LRBA: variants seen among roughly 807,000 people sequenced by gnomAD.
LRBA encodes lipopolysaccharide-responsive and beige-like anchor protein.
A neutral mutation model predicts 330.0 loss-of-function variants in LRBA; 176 were observed. The observed-to-expected ratio is 0.53, with a 90% CI of 0.47 to 0.60. The LOEUF (loss-of-function observed/expected upper bound fraction) is 0.60, where lower values mean the gene tolerates loss of function less well. Ranked by LOEUF, LRBA falls within the 20% of genes least tolerant of loss-of-function variation. LRBA has a pLI of 0.00. For missense variants in LRBA, 3,259 were observed against 3,444.8 expected (o/e 0.95, Z 1.35); for synonymous variants, 1,230 against 1,193.0 (o/e 1.03, Z -0.64).
chr4:150,319,497 G>A (rs1257934784), intron 50 of LRBA, among the ~76,000 whole-genome samples: 2 of 151,784 alleles, frequency 1.3e-5, no homozygotes, highest in African/African-American at 2.4e-5. Flanking sequence ...AAAAAATCAC[G>A]TTTCTTAAAT....
intron 37 of LRBA, among the ~76,000 whole-genome samples, chr4:150,629,564 A>T (rs1323888480): frequency 1.3e-5 from 2 of 152,022 alleles, no homozygotes. Context: ...ACTTGAACCC[A>T]GGAGGCGAAG....
intron 47 of LRBA, 120 bp downstream of exon 47, chr4:150,415,318 G>C: frequency 2.9e-6 from 2 of 697,342 alleles, no homozygotes; most frequent in Non-Finnish European, 4.6e-6. Flanking sequence ...GTCACTTTCA[G>C]TTAGTCCTAT....
At chr4:150,861,353 T>C (rs1289744469) in intron 22 of LRBA, among the ~76,000 whole-genome samples, 9 of 151,786 alleles carry the variant, frequency 5.9e-5, no homozygotes, top group Admixed American at 3.3e-4. Flanking sequence ...CTCAAATTCC[T>C]GGCCTCAAGC....
intron 28 of LRBA, among the ~76,000 whole-genome samples, chr4:150,833,159 A>G (rs1327238687): frequency 6.6e-6 from 1 of 152,014 alleles, no homozygotes; most frequent in Non-Finnish European, 1.5e-5. Flanking sequence ...GAGAAAGAAG[A>G]CAAACTAGAC....
intron 2 of LRBA, among the ~76,000 whole-genome samples, chr4:150,995,181 A>C (rs1742498609): frequency 6.6e-6 from 1 of 151,886 alleles, no homozygotes; most frequent in African/African-American, 2.4e-5. Flanking sequence ...GTCTAGAAAA[A>C]CTCAGACTAA....
chr4:150,408,998 T>TA (rs1746582766), intron 47 of LRBA, among the ~76,000 whole-genome samples: 1 of 152,140 alleles, frequency 6.6e-6, no homozygotes, highest in African/African-American at 2.4e-5. Flanking sequence ...ATTTTTATGT[T>TA]AAAGTCTCAA....
intron 37 of LRBA, among the ~76,000 whole-genome samples, chr4:150,669,166 T>C (rs1400905473): frequency 2.6e-5 from 4 of 152,192 alleles, no homozygotes; most frequent in South Asian, 2.1e-4. Flanking sequence ...CTGAGACTAA[T>C]AGTTTCATGC....
At chr4:150,807,357 T>A (rs945229343) in intron 32 of LRBA, among the ~76,000 whole-genome samples, 1 of 152,158 alleles carries the variant, frequency 6.6e-6, no homozygotes, top group African/African-American at 2.4e-5. Context: ...ACACAACTCA[T>A]AGAACTTGTT....
intron 17 of LRBA, among the ~76,000 whole-genome samples, chr4:150,877,969 T>A (rs2127031816): frequency 6.6e-6 from 1 of 152,250 alleles, no homozygotes; most frequent in African/African-American, 2.4e-5. Flanking sequence ...AATTTAAAAA[T>A]TTTTTGAAAT....
intron 30 of LRBA, among the ~76,000 whole-genome samples, chr4:150,821,712 T>C (rs1314482809): frequency 6.6e-6 from 1 of 152,178 alleles, no homozygotes; most frequent in East Asian, 1.9e-4. Flanking sequence ...CTTCAGTCCC[T>C]AAGGATCCAG....
chr4:150,680,080 T>C (rs915788225), intron 37 of LRBA, among the ~76,000 whole-genome samples: 1 of 152,198 alleles, frequency 6.6e-6, no homozygotes, highest in African/African-American at 2.4e-5. Context: ...GCCTGCTCCA[T>C]GCACCGGAAA....
rs1336946814 is a variant in LRBA, at chr4:151,014,682, G to A, written c.-40C>T. 2 of 1,415,874 alleles carry A rather than the reference G, an allele frequency of 1.4e-6. No homozygotes were observed. Among genetic ancestry groups the A allele is most frequent in the Non-Finnish European group, 1.9e-6 (2 of 1,028,894 alleles). 87.7% of individuals were successfully genotyped at this position (1,415,874 alleles called of 1,614,324 possible). A position where few individuals can be genotyped will look rare whatever the true frequency, so the allele number is the denominator to read the frequency against. On this transcript the variant is annotated 5_prime_UTR_variant, in exon 2 of 57. Transcript: ENST00000651943. The stretch of plus-strand genomic sequence containing the variant: ...AAAGGACAACTCAGAGTCACCCTGG[G>A]ACGGCAGTCGCTGCACTGGTAATGA...
At position 150,348,059 on chromosome 4, in the gene LRBA, G is replaced by A. The variant is rs906364941; in HGVS notation, c.7362+1933C>T. ...GTACAATAACTACATATGGTTCATG[G>A]TTTATTAGACAGTGCAGATAGAGAA... On this transcript the variant is annotated intron_variant, in intron 48 of 56. Coordinates refer to ENST00000651943, the MANE Select transcript of LRBA (RefSeq NM_001364905.1). 4.6e-5 allele frequency among the ~76,000 whole-genome samples: 7 copies of A among 152,268 alleles called. No individual in the cohort carries two copies. The East Asian group carries it at 1.2e-3, about 25-fold the overall frequency.
At chr4:150,590,541 A>T (rs1228055558) in intron 39 of LRBA, among the ~76,000 whole-genome samples, 172 bp downstream of exon 39, 1 of 152,222 alleles carries the variant, frequency 6.6e-6, no homozygotes, top group Non-Finnish European at 1.5e-5. Context: ...GACTGAATAG[A>T]ATAGAAAAAT....
chr4:150,621,116 A>G (rs1295166505), intron 37 of LRBA, among the ~76,000 whole-genome samples: 2 of 152,296 alleles, frequency 1.3e-5, no homozygotes, highest in East Asian at 3.9e-4. Context: ...CAATAAAATA[A>G]AGGATAAAGA....
intron 38 of LRBA, among the ~76,000 whole-genome samples, chr4:150,598,511 T>C (rs1773757976): frequency 6.6e-6 from 1 of 152,206 alleles, no homozygotes; most frequent in South Asian, 2.1e-4. Flanking sequence ...CCATCTATCA[T>C]AACCATCTTC....
chr4:150,666,465 T>C (rs1194949749), intron 37 of LRBA, among the ~76,000 whole-genome samples: 1 of 151,938 alleles, frequency 6.6e-6, no homozygotes, highest in Admixed American at 6.6e-5. Context: ...TGAGTTGAGA[T>C]TGTGCCACTG....
At chr4:150,796,324 A>T (rs1305341573) in intron 34 of LRBA, among the ~76,000 whole-genome samples, 1 of 151,930 alleles carries the variant, frequency 6.6e-6, no homozygotes, top group Non-Finnish European at 1.5e-5. Flanking sequence ...CAAAGTGAAA[A>T]ATGTAATTAT....
intron 47 of LRBA, among the ~76,000 whole-genome samples, chr4:150,374,211 T>C (rs1026408078): frequency 3.3e-5 from 5 of 152,224 alleles, no homozygotes; most frequent in Admixed American, 1.3e-4. Context: ...CAGAGACTGC[T>C]GTTTTTTATC....
Sources: allele counts gnomAD v4.1 joint callset (sites outside exome capture counted in the v4.1 genomes callset), GRCh38; gene constraint gnomAD v4.1.1; transcripts MANE v1.5; gene names NCBI Gene and HGNC (gene_info 2026-07-23, HGNC 2026-07-21).